PDS5A: variants seen among roughly 807,000 people sequenced by gnomAD.
The protein encoded by PDS5A is sister chromatid cohesion protein PDS5 homolog A.
In PDS5A, 42 loss-of-function variants were observed where a neutral mutation model predicts 167.1. The ratio of observed to expected loss-of-function variants is 0.25; its 90% CI spans 0.20 to 0.33. The LOEUF (loss-of-function observed/expected upper bound fraction) is 0.33. Among genes scored for constraint, PDS5A ranks in the 10% least tolerant of loss-of-function variants. The probability of loss-of-function intolerance (pLI) is 1.00; values close to 1 mark genes in which losing one functional copy is unlikely to be tolerated. For synonymous variants in PDS5A, 553 were observed against 554.6 expected, an observed-to-expected ratio of 1.00 and a Z score of 0.04; for missense variants, 1,033 against 1,605.9, an observed-to-expected ratio of 0.64 and a Z score of 6.10.
intron 22 of PDS5A, among the ~76,000 whole-genome samples, chr4:39,867,520 G>A (rs989394242): frequency 5.5e-5 from 8 of 146,154 alleles, no homozygotes; most frequent in African/African-American, 1.3e-4. Flanking sequence ...TGGTGAAACC[G>A]TGTCTATACT....
intron 12 of PDS5A, 97 bp downstream of exon 12, chr4:39,903,943 A>C: frequency 1.7e-6 from 1 of 585,432 alleles, no homozygotes; most frequent in Non-Finnish European, 2.7e-6. Context: ...TATGAAGTAA[A>C]TACATAAAAA....
At chr4:39,959,074 ATCT>A (rs1729232957) in intron 2 of PDS5A, among the ~76,000 whole-genome samples, 1 of 152,168 alleles carries the variant, frequency 6.6e-6, no homozygotes, top group Non-Finnish European at 1.5e-5. Flanking sequence ...ATTCTTAGTG[ATCT>A]TTTTATCTAA....
chr4:39,849,044 ATAATT>A (rs774972865), intron 27 of PDS5A, 74 bp from the exon 28 acceptor site: 59 of 1,040,210 alleles, frequency 5.7e-5, no homozygotes, highest in Non-Finnish European at 4.3e-5. Flanking sequence ...CACTAAATGT[ATAATT>A]TAGAGTTAAA....
chr4:39,911,836 A>T (rs77709538), intron 9 of PDS5A, among the ~76,000 whole-genome samples: 4 of 29,986 alleles, frequency 1.3e-4, no homozygotes, highest in Middle Eastern at 0.056. Flanking sequence ...CGTCTCAATT[A>T]AAAAAAAAAA....
chr4:39,962,390 AC>A (rs926823304), intron 2 of PDS5A, among the ~76,000 whole-genome samples: 2 of 152,068 alleles, frequency 1.3e-5, no homozygotes, highest in Non-Finnish European at 2.9e-5. Flanking sequence ...TAGAGTTCTT[AC>A]CCCACTGAAC....
At chr4:39,918,872 A>G (rs543440634) in intron 7 of PDS5A, among the ~76,000 whole-genome samples, 5 of 152,292 alleles carry the variant, frequency 3.3e-5, no homozygotes, top group African/African-American at 7.2e-5. Context: ...CCACTGGATA[A>G]GAGTAATATC....
At chr4:39,827,882 T>C (rs142017688) in intron 32 of PDS5A, among the ~76,000 whole-genome samples, 1 of 152,350 alleles carries the variant, frequency 6.6e-6, no homozygotes, top group Admixed American at 6.5e-5. Context: ...GAATTTGGCC[T>C]TAAGTGTAAG....
intron 17 of PDS5A, among the ~76,000 whole-genome samples, chr4:39,885,170 G>A (rs1356678492): frequency 2.0e-5 from 3 of 149,632 alleles, no homozygotes; most frequent in African/African-American, 2.5e-5. Context: ...GGCCGAACCC[G>A]GGAGGCAGAG....
intron 2 of PDS5A, among the ~76,000 whole-genome samples, chr4:39,943,162 ACACACACG>A (rs1437119874): frequency 1.8e-4 from 25 of 136,988 alleles, no homozygotes; most frequent in Admixed American, 1.3e-3. Context: ...ACACACACAC[ACACACACG>A]CACGCACACA....
chr4:39,853,087 T>C (rs6531745), intron 26 of PDS5A, among the ~76,000 whole-genome samples: 146,408 of 152,306 alleles, frequency 0.96, 70,420 homozygotes, highest in East Asian at 1. Flanking sequence ...TACAGGCACA[T>C]GTTACAACAC....
At chr4:39,884,914 TA>T (rs35559873) in intron 17 of PDS5A, among the ~76,000 whole-genome samples, 11,940 of 152,142 alleles carry the variant, frequency 0.078, 519 homozygotes, top group Middle Eastern at 0.18. Flanking sequence ...GACATATGTA[TA>T]GGGGGGAAAT....
rs1731203484 is a variant in PDS5A, at chr4:39,977,239, C to T, written c.-41+218G>A. Among the ~76,000 whole-genome samples, 1 of 152,078 alleles carries T rather than the reference C, an allele frequency of 6.6e-6. No homozygotes were observed. The highest frequency in any genetic ancestry group is 1.5e-5 in the Non-Finnish European group (1 of 67,996). ...CCCACGCCAGGAAGCGGCTGACGCG[C>T]CTCCGCACTTCACATTTTGTTCCTT... On this transcript the variant is annotated intron_variant, in intron 1 of 32. Transcript: ENST00000303538. The surrounding 1 kb of genome is among the most constrained non-coding windows in gnomAD (Gnocchi z 4.2).
chr4:39,913,684 C>T lies in PDS5A; in HGVS notation c.919G>A (p.Ala307Thr). 1 of 1,611,884 alleles carries T rather than the reference C, an allele frequency of 6.2e-7. No individual in the cohort carries two copies. The highest frequency in any genetic ancestry group is 8.5e-7 in the Non-Finnish European group (1 of 1,178,054). ...EERLAVVRLL[A>T]KLFGSKDSDL... is the part of the protein sequence containing the mutation. ...GAATCTTTGGAGCCAAACAATTTAG[C>T]TAGAAGTCGAACAACAGCTAATCGC... The change falls in exon 9 of 33, where the codon GCT (alanine) becomes ACT (threonine). Residue 307 changes from alanine to threonine, a missense_variant. Physicochemically the swap from Ala to Thr is moderately conservative, Grantham distance 58 (BLOSUM62 0). Around this residue, in one of 4 missense-constraint regions of PDS5A, gnomAD observed 388 missense variants for 615.1 expected, o/e 0.63. Transcript: ENST00000303538.
At chr4:39,841,829 A>G (rs1560418647) in intron 31 of PDS5A, 119 bp downstream of exon 31, 1 of 631,624 alleles carries the variant, frequency 1.6e-6, no homozygotes, top group South Asian at 1.9e-5. Context: ...GTGTGGTAAT[A>G]CACACAAGTT....
In PDS5A at chr4:39,842,039, G is replaced by C; in HGVS notation, c.3566C>G (p.Ala1189Gly). 1.9e-6 allele frequency: 3 copies of C among 1,602,462 alleles called. No individual in the cohort carries two copies. Among genetic ancestry groups the C allele is most frequent in the Non-Finnish European group, 2.6e-6 (3 of 1,169,516 alleles). ...GNRSREQSSE[A>G]AETGVSENEE... ...ATTTTCACTAACTCCAGTTTCTGCTGCCTCTGAACTCTGTTCCCTGTTTAA... is the reference window on the plus strand; with the variant it reads ...ATTTTCACTAACTCCAGTTTCTGCTCCCTCTGAACTCTGTTCCCTGTTTAA... Residue 1189 changes from alanine (A) to glycine (G), a missense_variant, in exon 31 of 33, where the codon GCA becomes GGA. Around this residue, in one of 4 missense-constraint regions of PDS5A, gnomAD observed 233 missense variants for 264.0 expected, o/e 0.88. Transcript: ENST00000303538.
intron 2 of PDS5A, among the ~76,000 whole-genome samples, chr4:39,963,536 T>C (rs1485363167): frequency 6.6e-6 from 1 of 151,694 alleles, no homozygotes; most frequent in African/African-American, 2.4e-5. Flanking sequence ...AAAGCAAGGA[T>C]TACATTTGCC....
At chr4:39,959,565 C>T (rs558987780) in intron 2 of PDS5A, among the ~76,000 whole-genome samples, 4 of 152,124 alleles carry the variant, frequency 2.6e-5, no homozygotes, top group Admixed American at 6.6e-5. Context: ...AGCAAACTCT[C>T]GAGCTCAAGT....
At chr4:39,957,283 C>T (rs982758266) in intron 2 of PDS5A, among the ~76,000 whole-genome samples, 1 of 151,966 alleles carries the variant, frequency 6.6e-6, no homozygotes, top group Non-Finnish European at 1.5e-5. Flanking sequence ...CACCACTGCA[C>T]TCCAGCCTGG....
chr4:39,873,534 T>G (rs1720223995), intron 20 of PDS5A, among the ~76,000 whole-genome samples: 1 of 152,192 alleles, frequency 6.6e-6, no homozygotes, highest in Non-Finnish European at 1.5e-5. Flanking sequence ...TCACTGGGTT[T>G]TGGTCACACT....
Sources: allele counts gnomAD v4.1 joint callset (sites outside exome capture counted in the v4.1 genomes callset), GRCh38; gene constraint gnomAD v4.1.1; regional missense constraint gnomAD v4.1.1; non-coding constraint Gnocchi (gnomAD v3.1); transcripts MANE v1.5; gene names NCBI Gene and HGNC (gene_info 2026-07-23, HGNC 2026-07-21).